DYNC1I1: variants seen among roughly 807,000 people sequenced by gnomAD.
The protein encoded by DYNC1I1 is dynein cytoplasmic 1 intermediate chain 1.
Under a neutral mutation model 86.6 loss-of-function variants are expected in DYNC1I1, and 43 were observed. That is an observed-to-expected ratio of 0.50 (90% CI 0.39 to 0.64). The LOEUF is 0.64. Among genes scored for constraint, DYNC1I1 ranks in the 30% least tolerant of loss-of-function variants. The pLI is 0.00. For missense variants in DYNC1I1, 604 were observed against 788.8 expected (o/e 0.77, Z 2.81); for synonymous variants, 262 against 283.7 (o/e 0.92, Z 0.77).
At chr7:95,914,539 T>A (rs1438257606) in intron 6 of DYNC1I1, among the ~76,000 whole-genome samples, 1 of 152,244 alleles carries the variant, frequency 6.6e-6, no homozygotes, top group African/African-American at 2.4e-5. Flanking sequence ...AATGTTCCTT[T>A]TTAAATGTGA....
intron 6 of DYNC1I1, among the ~76,000 whole-genome samples, chr7:95,872,117 G>T (rs1790188280): frequency 6.6e-6 from 1 of 152,234 alleles, no homozygotes; most frequent in South Asian, 2.1e-4. Context: ...GAGGTGGTTG[G>T]CAGGAGAGCT....
intron 16 of DYNC1I1, among the ~76,000 whole-genome samples, chr7:96,103,635 C>G (rs868568222): frequency 1.0e-4 from 15 of 148,078 alleles, no homozygotes; most frequent in African/African-American, 3.5e-4. Flanking sequence ...TTTTTTGAGA[C>G]GGAGTCTCGC....
intron 16 of DYNC1I1, among the ~76,000 whole-genome samples, chr7:96,084,172 G>T (rs1790605955): frequency 1.3e-5 from 2 of 151,978 alleles, no homozygotes; most frequent in African/African-American, 4.8e-5. Flanking sequence ...CCGTGCTTAG[G>T]GGAGCCCTGA....
At chr7:96,072,009 C>A (rs557834805) in intron 14 of DYNC1I1, among the ~76,000 whole-genome samples, 3 of 152,298 alleles carry the variant, frequency 2.0e-5, no homozygotes, top group South Asian at 2.1e-4. Flanking sequence ...CACTTAACAA[C>A]CTTTGTGGCC....
At chr7:96,042,637 A>G (rs1347986267) in intron 14 of DYNC1I1, among the ~76,000 whole-genome samples, 3 of 152,216 alleles carry the variant, frequency 2.0e-5, no homozygotes, top group Non-Finnish European at 2.9e-5. Context: ...GACAACATCA[A>G]TAAGAGTAAT....
At chr7:95,973,777 T>C (rs1003465080) in intron 6 of DYNC1I1, among the ~76,000 whole-genome samples, 7 of 152,200 alleles carry the variant, frequency 4.6e-5, no homozygotes, top group African/African-American at 1.7e-4. Flanking sequence ...TAAACACCCT[T>C]ATAGCTGTGA....
intron 4 of DYNC1I1, among the ~76,000 whole-genome samples, chr7:95,817,443 C>T (rs1794972663): frequency 6.6e-6 from 1 of 151,998 alleles, no homozygotes; most frequent in South Asian, 2.1e-4. Context: ...ACAACCTACC[C>T]CATAAGGTTA....
chr7:95,979,073 C>G (rs1015572121), intron 7 of DYNC1I1, among the ~76,000 whole-genome samples: 2 of 152,184 alleles, frequency 1.3e-5, no homozygotes, highest in African/African-American at 2.4e-5. Context: ...GGATTATAGG[C>G]GTGAACCACC....
chr7:95,864,348 TC>T (rs1355473241), intron 5 of DYNC1I1, among the ~76,000 whole-genome samples: 4 of 152,238 alleles, frequency 2.6e-5, no homozygotes, highest in Non-Finnish European at 5.9e-5. Context: ...AAATTGGAAA[TC>T]TTTGCACCTT....
chr7:95,814,475 C>T, intron 4 of DYNC1I1, among the ~76,000 whole-genome samples: 1 of 152,174 alleles, frequency 6.6e-6, no homozygotes, highest in East Asian at 1.9e-4. Context: ...TGTCTGTGTG[C>T]ATTTCTTGCC....
intron 14 of DYNC1I1, among the ~76,000 whole-genome samples, chr7:96,072,740 G>T (rs933495928): frequency 6.6e-6 from 1 of 152,052 alleles, no homozygotes; most frequent in Non-Finnish European, 1.5e-5. Flanking sequence ...AAAATCTTTA[G>T]AATCTTTAGA....
At chr7:95,788,634 G>A (rs1387676874) in intron 1 of DYNC1I1, among the ~76,000 whole-genome samples, 2 of 152,174 alleles carry the variant, frequency 1.3e-5, no homozygotes, top group African/African-American at 2.4e-5. Context: ...GGGAAAACCT[G>A]AAAACTTCAT....
At chr7:95,816,320 C>T (rs572820967) in intron 4 of DYNC1I1, among the ~76,000 whole-genome samples, 1 of 152,290 alleles carries the variant, frequency 6.6e-6, no homozygotes, top group South Asian at 2.1e-4. Context: ...CTGCACTCAG[C>T]CACCTCTTAC....
intron 5 of DYNC1I1, among the ~76,000 whole-genome samples, chr7:95,856,904 G>A (rs367843802): frequency 3.3e-5 from 5 of 151,954 alleles, no homozygotes; most frequent in South Asian, 2.1e-4. Context: ...GCTTGAATCC[G>A]GGGGGCAGAG....
chr7:95,999,544 G>A (rs1397965544), intron 10 of DYNC1I1, among the ~76,000 whole-genome samples: 4 of 152,092 alleles, frequency 2.6e-5, no homozygotes, highest in Admixed American at 6.6e-5. Flanking sequence ...TTTGCTTCCC[G>A]TTAAGATTCT....
intron 15 of DYNC1I1, among the ~76,000 whole-genome samples, chr7:96,077,816 G>A (rs1041606244): frequency 5.3e-5 from 8 of 151,922 alleles, no homozygotes; most frequent in African/African-American, 1.9e-4. Flanking sequence ...TTTTTTTTAG[G>A]TAAAATGAAA....
intron 15 of DYNC1I1, 144 bp from the exon 16 acceptor site, chr7:96,080,219 T>C: frequency 9.3e-7 from 1 of 1,080,206 alleles, no homozygotes. Context: ...AATGAGCCCT[T>C]TTTCCCCCCG....
intron 16 of DYNC1I1, among the ~76,000 whole-genome samples, chr7:96,086,575 T>C (rs1052696218): frequency 4.6e-5 from 7 of 152,174 alleles, no homozygotes; most frequent in African/African-American, 1.7e-4. Context: ...CTCTGAACTT[T>C]GATAGCATTT....
chr7:95,988,065 A>C (rs1793640525), intron 9 of DYNC1I1, among the ~76,000 whole-genome samples: 1 of 152,140 alleles, frequency 6.6e-6, no homozygotes, highest in South Asian at 2.1e-4. Flanking sequence ...CTACCCAAAC[A>C]ATCTTTCTAA....
Sources: allele counts gnomAD v4.1 joint callset (sites outside exome capture counted in the v4.1 genomes callset), GRCh38; gene constraint gnomAD v4.1.1; transcripts MANE v1.5; gene names NCBI Gene and HGNC (gene_info 2026-07-23, HGNC 2026-07-21).